LYPLAL1: variants seen among roughly 807,000 people sequenced by gnomAD.
LYPLAL1 encodes the protein lysophospholipase like 1, also known as lysophospholipase-like protein 1.
Under a neutral mutation model 19.7 loss-of-function variants are expected in LYPLAL1, and 23 were observed. That is an observed-to-expected ratio of 1.17 (90% CI 0.84 to 1.65). The LOEUF (loss-of-function observed/expected upper bound fraction) is 1.65. Ranked by LOEUF, LYPLAL1 falls within the 40% of genes most tolerant of loss-of-function variation. The probability of loss-of-function intolerance (pLI) is 0.00; values close to 1 mark genes in which losing one functional copy is unlikely to be tolerated. For synonymous variants in LYPLAL1, 119 were observed against 96.3 expected (o/e 1.24, Z -1.38); for missense variants, 355 against 279.4 (o/e 1.27, Z -1.93).
chr1:219,409,628 T>G, the LYPLAL1 span: 3 of 152,220 alleles, frequency 2.0e-5, no homozygotes, highest in African/African-American at 7.2e-5. Flanking sequence ...ACTTCTTGCT[T>G]GTGTGATTTT....
At chr1:219,419,309 A>G in the LYPLAL1 span, among the ~76,000 whole-genome samples, 1 of 152,178 alleles carries the variant, frequency 6.6e-6, no homozygotes, top group Non-Finnish European at 1.5e-5. Flanking sequence ...TTCTACAGCC[A>G]TGTCTCTGCA....
chr1:219,398,643 G>C, the LYPLAL1 span, among the ~76,000 whole-genome samples: 1 of 152,198 alleles, frequency 6.6e-6, no homozygotes, highest in African/African-American at 2.4e-5. Flanking sequence ...TTTTTGAGTT[G>C]TCAGAGTTCT....
the LYPLAL1 span, among the ~76,000 whole-genome samples, chr1:219,380,625 G>T: frequency 6.6e-6 from 1 of 152,226 alleles, no homozygotes; most frequent in African/African-American, 2.4e-5. Context: ...TGCCTCGAAG[G>T]TGAAACTAGG....
the LYPLAL1 span, among the ~76,000 whole-genome samples, chr1:219,314,368 A>T: frequency 6.6e-6 from 1 of 152,240 alleles, no homozygotes; most frequent in Non-Finnish European, 1.5e-5. Flanking sequence ...TCAAATGGTA[A>T]TTCTGTTTTA....
At chr1:219,401,053 A>G in the LYPLAL1 span, among the ~76,000 whole-genome samples, 3 of 152,164 alleles carry the variant, frequency 2.0e-5, no homozygotes, top group Non-Finnish European at 4.4e-5. Context: ...TATTTCTTAT[A>G]AATCAATATT....
the LYPLAL1 span, among the ~76,000 whole-genome samples, chr1:219,310,474 G>A: frequency 6.6e-6 from 1 of 152,166 alleles, no homozygotes. Flanking sequence ...TGTCCTGAAA[G>A]CAGGAACAAA....
chr1:219,222,532 T>C, the LYPLAL1 span: 1 of 152,136 alleles, frequency 6.6e-6, no homozygotes, highest in Non-Finnish European at 1.5e-5. Flanking sequence ...GGATCAAAGT[T>C]CGGCATGATG....
rs1024382525 is a variant in LYPLAL1, at chr1:219,212,336, T to C, written c.*608T>C. 1.3e-5 allele frequency: 2 copies of C among 152,070 alleles called. No individual in the cohort carries two copies. Among genetic ancestry groups the C allele is most frequent in the African/African-American group, 4.8e-5 (2 of 41,436 alleles). The allele number at this position is 152,070 out of a possible 1,614,324, so 9.4% of individuals were successfully genotyped here. A position where few individuals can be genotyped will look rare whatever the true frequency, so the allele number is the denominator to read the frequency against. On this transcript the variant is annotated 3_prime_UTR_variant, in exon 5 of 5. Coordinates refer to ENST00000366928, the MANE Select transcript of LYPLAL1 (RefSeq NM_138794.5). ...TATTTCTGTTAACCCAAATTGCTGC[T>C]CTGTTTTAGGTCTCAATTTCATCTG...
chr1:219,175,733 G>C (rs1350950730), intron 1 of LYPLAL1, among the ~76,000 whole-genome samples: 1 of 152,010 alleles, frequency 6.6e-6, no homozygotes, highest in Non-Finnish European at 1.5e-5. Flanking sequence ...TTGGGAGTAG[G>C]TCTTTATCAT....
At chr1:219,184,439 G>T (rs2125041615) in intron 2 of LYPLAL1, among the ~76,000 whole-genome samples, 1 of 151,878 alleles carries the variant, frequency 6.6e-6, no homozygotes, top group South Asian at 2.1e-4. Context: ...TGAATTTCGT[G>T]TGTGCATTTT....
the LYPLAL1 span, among the ~76,000 whole-genome samples, chr1:219,403,580 A>T: frequency 6.6e-6 from 1 of 152,168 alleles, no homozygotes; most frequent in African/African-American, 2.4e-5. Flanking sequence ...GCTTTAGGAC[A>T]ATAGGGTGCC....
At chr1:219,343,127 G>A in the LYPLAL1 span, among the ~76,000 whole-genome samples, 1 of 152,162 alleles carries the variant, frequency 6.6e-6, no homozygotes, top group African/African-American at 2.4e-5. Context: ...GATGACATCT[G>A]TCTGATCTTG....
chr1:219,227,725 A>T, the LYPLAL1 span, among the ~76,000 whole-genome samples: 1 of 152,218 alleles, frequency 6.6e-6, no homozygotes, highest in East Asian at 1.9e-4. Flanking sequence ...GAAAAGAGGG[A>T]ATGTTATTAT....
At chr1:219,418,486 C>T in the LYPLAL1 span, among the ~76,000 whole-genome samples, 1 of 152,180 alleles carries the variant, frequency 6.6e-6, no homozygotes, top group Non-Finnish European at 1.5e-5. Context: ...TTAAAACAGA[C>T]TATTTTTTAG....
the LYPLAL1 span, among the ~76,000 whole-genome samples, chr1:219,278,581 C>T: frequency 6.6e-6 from 1 of 152,108 alleles, no homozygotes; most frequent in Non-Finnish European, 1.5e-5. Flanking sequence ...TGAGTCAGTA[C>T]TCTTACCCAC....
At chr1:219,196,939 C>T (rs1657652604) in intron 3 of LYPLAL1, among the ~76,000 whole-genome samples, 1 of 152,036 alleles carries the variant, frequency 6.6e-6, no homozygotes. Flanking sequence ...ATACAAAGGA[C>T]TTCCTCAAGG....
chr1:219,338,094 T>G, the LYPLAL1 span, among the ~76,000 whole-genome samples: 1 of 152,034 alleles, frequency 6.6e-6, no homozygotes, highest in Non-Finnish European at 1.5e-5. Flanking sequence ...TTACGTGGTT[T>G]GGATGGAACT....
chr1:219,236,881 A>G, the LYPLAL1 span, among the ~76,000 whole-genome samples: 2 of 152,146 alleles, frequency 1.3e-5, no homozygotes, highest in Non-Finnish European at 2.9e-5. Context: ...AACATGGATT[A>G]ACTATTTTTC....
chr1:219,311,930 T>G, the LYPLAL1 span, among the ~76,000 whole-genome samples: 1 of 152,218 alleles, frequency 6.6e-6, no homozygotes, highest in Non-Finnish European at 1.5e-5. Flanking sequence ...TATTTTGAAT[T>G]CTATACATTA....
Sources: allele counts gnomAD v4.1 joint callset (sites outside exome capture counted in the v4.1 genomes callset), GRCh38; gene constraint gnomAD v4.1.1; transcripts MANE v1.5; gene names NCBI Gene and HGNC (gene_info 2026-07-23, HGNC 2026-07-21).